GATM: variants seen among roughly 807,000 people sequenced by gnomAD.
The protein encoded by GATM is glycine amidinotransferase.
GATM carries 23 observed loss-of-function variants against 54.2 expected under a neutral mutation model. That is an observed-to-expected ratio of 0.42 (90% confidence interval 0.31 to 0.60). The LOEUF is 0.60. Ranked by LOEUF, GATM falls within the 20% of genes least tolerant of loss-of-function variation. The probability of loss-of-function intolerance (pLI) is 0.14; values close to 1 mark genes in which losing one functional copy is unlikely to be tolerated. For missense variants in GATM, 401 were observed against 544.9 expected, an observed-to-expected ratio of 0.74 and a Z score of 2.63; for synonymous variants, 168 against 183.1, an observed-to-expected ratio of 0.92 and a Z score of 0.67.
intron 1 of GATM, among the ~76,000 whole-genome samples, chr15:45,400,753 C>T (rs936047469): frequency 6.6e-6 from 1 of 152,196 alleles, no homozygotes; most frequent in Non-Finnish European, 1.5e-5. Flanking sequence ...CATTTCTGCA[C>T]TGTAAATATA....
intron 3 of GATM, among the ~76,000 whole-genome samples, chr15:45,387,990 A>C (rs997847536): frequency 5.9e-5 from 9 of 152,190 alleles, no homozygotes; most frequent in African/African-American, 2.2e-4. Flanking sequence ...ATAGGTCTCA[A>C]GAAGGGCTTT....
intron 3 of GATM, among the ~76,000 whole-genome samples, chr15:45,389,140 C>T (rs1145080): frequency 0.56 from 85,169 of 152,136 alleles, 27,351 homozygotes; most frequent in East Asian, 0.91. Flanking sequence ...ACTTTCCAGA[C>T]AACTGAAGCT....
intron 1 of GATM, chr15:45,377,294 G>T: frequency 2.2e-6 from 1 of 452,232 alleles, no homozygotes; most frequent in South Asian, 1.6e-5. Context: ...TTTTACAAAT[G>T]AAAAGTTGGG....
intron 3 of GATM, among the ~76,000 whole-genome samples, chr15:45,393,062 T>C (rs1033880237): frequency 6.6e-6 from 1 of 152,214 alleles, no homozygotes; most frequent in Non-Finnish European, 1.5e-5. Flanking sequence ...ATTACATGAA[T>C]TTAGTTATCA....
Position 45,366,417 on chromosome 15 carries a change from G to C in GATM, c.767C>G (p.Ala256Gly). 1 of 1,614,184 alleles carries C rather than the reference G, an allele frequency of 6.2e-7. No homozygotes were observed. ...ATCTCTTCCAGCTCGAATGAAGTCA[G>C]CAGCATCAAAGCATGGCTCAAACTC... Reference protein sequence around the residue: ...TTEFEPCFDAADFIRAGRDIF... With the variant: ...TTEFEPCFDAGDFIRAGRDIF... The change falls in exon 5 of 9, where the codon GCT (alanine) becomes GGT (glycine). Residue 256 changes from alanine to glycine, a missense_variant. Physicochemically the swap from Ala to Gly is moderately conservative, Grantham distance 60. This residue lies in a region of GATM where 321 missense variants were observed against 457.5 expected (regional missense o/e 0.70). Coordinates refer to ENST00000396659, the MANE Select transcript of GATM (RefSeq NM_001482.3).
intron 2 of GATM, among the ~76,000 whole-genome samples, chr15:45,374,699 G>A (rs889894196): frequency 6.6e-6 from 1 of 152,092 alleles, no homozygotes; most frequent in Non-Finnish European, 1.5e-5. Flanking sequence ...CTTGTCAGTC[G>A]ACTGGAATAA....
rs2140644501 is a variant in GATM at position 45,368,036 on chromosome 15, T to C, written c.675+34A>G. 6.3e-7 allele frequency: 1 copy of C among 1,583,664 alleles called. No individual in the cohort carries two copies. The highest frequency in any genetic ancestry group is 8.7e-7 in the Non-Finnish European group (1 of 1,153,054). On this transcript the variant is annotated intron_variant, in intron 4 of 8. Coordinates refer to ENST00000396659, the MANE Select transcript of GATM (RefSeq NM_001482.3). This position sits in a 1 kb window ranked among gnomAD's most constrained non-coding sequence, Gnocchi z 5.1. ...ACTCTTTGTGGATCATTTAGAAAAGTTAGTAATAAGCTAGCCTATAATTAG... is the reference window on the plus strand; with the variant it reads ...ACTCTTTGTGGATCATTTAGAAAAGCTAGTAATAAGCTAGCCTATAATTAG...
At chr15:45,398,898 T>C (rs1015617772) in intron 2 of GATM, among the ~76,000 whole-genome samples, 1 of 152,142 alleles carries the variant, frequency 6.6e-6, no homozygotes, top group African/African-American at 2.4e-5. Context: ...ACATATATAA[T>C]ATGCTGAAGG....
chr15:45,386,895 T>C (rs1889809286), intron 3 of GATM, among the ~76,000 whole-genome samples: 1 of 152,206 alleles, frequency 6.6e-6, no homozygotes, highest in South Asian at 2.1e-4. Flanking sequence ...GAAAGGTCTG[T>C]TCAAATAGAA....
At chr15:45,391,952 T>C (rs1277151964) in intron 3 of GATM, among the ~76,000 whole-genome samples, 1 of 152,208 alleles carries the variant, frequency 6.6e-6, no homozygotes, top group African/African-American at 2.4e-5. Flanking sequence ...TATACCATCA[T>C]AATAAAGAGT....
intron 3 of GATM, among the ~76,000 whole-genome samples, chr15:45,395,873 C>T (rs1889922988): frequency 6.6e-6 from 1 of 152,132 alleles, no homozygotes; most frequent in African/African-American, 2.4e-5. Context: ...GGCATTCAAG[C>T]TTTCCACGAC....
chr15:45,378,142 C>T, intron 1 of GATM: 1 of 457,712 alleles, frequency 2.2e-6, no homozygotes, highest in South Asian at 3.2e-5. Flanking sequence ...CAAGTGGACC[C>T]CAAGGGCTGG....
intron 3 of GATM, among the ~76,000 whole-genome samples, chr15:45,390,154 G>T (rs1889854499): frequency 6.6e-6 from 1 of 152,080 alleles, no homozygotes; most frequent in African/African-American, 2.4e-5. Context: ...GCCCAGCCAA[G>T]ATTCTGCATT....
Position 45,378,449 on chromosome 15 carries a change from A to G in GATM, c.5T>C (p.Leu2Pro), listed in dbSNP as rs1595486687. The stretch of plus-strand genomic sequence containing the variant: ...CCCGCCGCGCAGACACCGCACCCGC[A>G]GCATCGCCCTGGCCCGGCTGGTCCA... The part of the protein sequence containing the change: M[L>P]RVRCLRGGSR... Residue 2 changes from leucine (L) to proline (P), a missense_variant, in exon 1 of 9, where the codon CTG (leucine) becomes CCG (proline). By Grantham distance (98) the Leu-to-Pro change is moderately conservative. This residue lies in a region of GATM where 10 missense variants were observed against 26.0 expected (regional missense o/e 0.38). Coordinates refer to ENST00000396659, the MANE Select transcript of GATM (RefSeq NM_001482.3). 1 of 1,487,768 alleles carries G rather than the reference A, an allele frequency of 6.7e-7. No homozygotes were observed. The highest frequency in any genetic ancestry group is 2.7e-5 in the East Asian group (1 of 36,586). The allele number at this position is 1,487,768 out of a possible 1,614,324, so 92.2% of individuals were successfully genotyped here. A position where few individuals can be genotyped will look rare whatever the true frequency, so the allele number is the denominator to read the frequency against.
intron 3 of GATM, among the ~76,000 whole-genome samples, chr15:45,394,608 A>C: frequency 6.6e-6 from 1 of 152,228 alleles, no homozygotes; most frequent in Non-Finnish European, 1.5e-5. Context: ...TCTGAAACAT[A>C]CTGAGTTCAC....
intron 2 of GATM, among the ~76,000 whole-genome samples, chr15:45,370,395 GAAAAAGAAAAAGA>G (rs1372487609): frequency 4.7e-5 from 6 of 128,966 alleles, no homozygotes; most frequent in East Asian, 1.2e-3. Context: ...AAAAGAAAAA[GAAAAAGAAAAAGA>G]AAAAAAAAAA....
At chr15:45,385,614 A>T (rs768496997) in intron 3 of GATM, among the ~76,000 whole-genome samples, 1 of 152,218 alleles carries the variant, frequency 6.6e-6, no homozygotes, top group Admixed American at 6.5e-5. Flanking sequence ...ATTTTAAAAT[A>T]TGTCAGGTTG....
intron 3 of GATM, among the ~76,000 whole-genome samples, chr15:45,383,602 T>C (rs1240405604): frequency 1.3e-5 from 2 of 152,294 alleles, no homozygotes; most frequent in South Asian, 2.1e-4. Flanking sequence ...GCTGCTTTTT[T>C]TTTTTTTAAT....
rs1392379976 is a variant in GATM, at chr15:45,368,198, G to A, written c.547C>T (p.Pro183Ser). 2.5e-5 allele frequency: 41 copies of A among 1,613,968 alleles called. No homozygotes were observed. The highest frequency in any genetic ancestry group is 4.5e-5 in the East Asian group (2 of 44,896). The stretch of plus-strand genomic sequence containing the variant: ...AAGAAGCGTGAACGCCATGCCATGG[G>A]AGCCTCGATAATCTCATTGCCCACA... ...IVVGNEIIEAPMAWRSRFFEY... is the reference protein window; with the variant it reads ...IVVGNEIIEASMAWRSRFFEY... Residue 183 changes from proline (P) to serine (S), a missense_variant, in exon 4 of 9, where the codon CCC becomes TCC. Physicochemically the swap from Pro to Ser is moderately conservative, Grantham distance 74 (BLOSUM62 -1). Transcript: ENST00000396659. This position sits in a 1 kb window ranked among gnomAD's most constrained non-coding sequence, Gnocchi z 5.1.
Sources: allele counts gnomAD v4.1 joint callset (sites outside exome capture counted in the v4.1 genomes callset), GRCh38; gene constraint gnomAD v4.1.1; regional missense constraint gnomAD v4.1.1; non-coding constraint Gnocchi (gnomAD v3.1); transcripts MANE v1.5; gene names NCBI Gene and HGNC (gene_info 2026-07-23, HGNC 2026-07-21).